TLR3: variants seen among roughly 807,000 people sequenced by gnomAD.
The protein encoded by TLR3 is toll-like receptor 3.
TLR3 carries 43 observed loss-of-function variants against 66.4 expected under a neutral mutation model. The observed-to-expected ratio is 0.65, with a 90% CI of 0.51 to 0.83. The LOEUF (loss-of-function observed/expected upper bound fraction) is 0.83, where lower values mean the gene tolerates loss of function less well. Among genes scored for constraint, TLR3 ranks in the 40% least tolerant of loss-of-function variants. TLR3 has a pLI of 0.00. For synonymous variants in TLR3, 397 were observed against 397.2 expected (o/e 1.00, Z 0.01); for missense variants, 982 against 1,044.6 (o/e 0.94, Z 0.83).
intron 1 of TLR3, among the ~76,000 whole-genome samples, chr4:186,075,489 C>G (rs766591317): frequency 2.6e-5 from 4 of 151,800 alleles, no homozygotes; most frequent in Non-Finnish European, 5.9e-5. Context: ...AAAAATTAGC[C>G]GGGTGTGGTA....
In TLR3 at chr4:186,086,813, C is replaced by T. The variant is rs1240050924; in HGVS notation, c.*1940C>T. On this transcript the variant is annotated 3_prime_UTR_variant, in exon 5 of 5. Coordinates refer to ENST00000296795, the MANE Select transcript of TLR3 (RefSeq NM_003265.3). ...TGATATGTTACTGGTGGAGAGTGTC[C>T]AGGTTCTTGGTGCTTTGAACAAGGA... 1 of 151,534 alleles carries T rather than the reference C, an allele frequency of 6.6e-6. No homozygotes were observed. Among genetic ancestry groups the T allele is most frequent in the East Asian group, 1.9e-4 (1 of 5,186 alleles). 9.4% of individuals were successfully genotyped at this position (151,534 alleles called of 1,614,324 possible). A position where few individuals can be genotyped will look rare whatever the true frequency, so the allele number is the denominator to read the frequency against.
chr4:186,084,591 G>A lies in TLR3; in HGVS notation c.2487-54G>A, dbSNP rs934936631. On this transcript the variant is annotated intron_variant, in intron 4 of 4. Coordinates refer to ENST00000296795, the MANE Select transcript of TLR3 (RefSeq NM_003265.3). ...CTACAGAGTATTTTTAAATAGTATT[G>A]CTTCTGGCTGTTAAAAACCGTATAT... 5 of 1,188,170 alleles carry A rather than the reference G, an allele frequency of 4.2e-6. No individual in the cohort carries two copies. The African/African-American group carries it at 4.6e-5, about 11-fold the overall frequency. 73.6% of individuals were successfully genotyped at this position (1,188,170 alleles called of 1,614,324 possible).
chr4:186,073,150 C>T (rs2099301795), intron 1 of TLR3, among the ~76,000 whole-genome samples: 1 of 152,042 alleles, frequency 6.6e-6, no homozygotes, highest in Admixed American at 6.6e-5. Context: ...AGAAATAGAC[C>T]CTCGCTTAAA....
chr4:186,076,014 T>G (rs2099302384), intron 1 of TLR3, among the ~76,000 whole-genome samples: 1 of 151,492 alleles, frequency 6.6e-6, no homozygotes. Flanking sequence ...ATTAGCCAGG[T>G]GTGGTGGCGG....
intron 1 of TLR3, among the ~76,000 whole-genome samples, chr4:186,071,928 G>C (rs1383913674): frequency 6.6e-6 from 1 of 152,144 alleles, no homozygotes; most frequent in Admixed American, 6.5e-5. Context: ...GGGTGTATTT[G>C]ATTTTTTAAA....
In TLR3 at chr4:186,085,466, T is replaced by C. The variant is rs1047767627; in HGVS notation, c.*593T>C. 6.5e-6 allele frequency: 1 copy of C among 152,742 alleles called. No homozygotes were observed. The highest frequency in any genetic ancestry group is 1.5e-5 in the Non-Finnish European group (1 of 68,462). The allele number at this position is 152,742 out of a possible 1,614,324, so 9.5% of individuals were successfully genotyped here. ...AATTCATTTTTATTAGTTAATGAGA[T>C]GATTATTTGAATGAATATTGACTTG... On this transcript the variant is annotated 3_prime_UTR_variant, in exon 5 of 5. Coordinates refer to ENST00000296795, the MANE Select transcript of TLR3 (RefSeq NM_003265.3).
In TLR3 at chr4:186,079,041, A is replaced by T. The variant is rs1209888335; in HGVS notation, c.633+10A>T. The T allele has an allele frequency of 6.2e-7, 1 of 1,609,002 alleles. No individual in the cohort carries two copies. Among genetic ancestry groups the T allele is most frequent in the Non-Finnish European group, 8.5e-7 (1 of 1,176,516 alleles). On this transcript the variant is annotated intron_variant, in intron 3 of 4. Transcript: ENST00000296795. ...GAATCAAATTAAAGAGGTAAGAAGT[A>T]AGGTAAAATTATTTTGCATTCTGCC...
At chr4:186,077,987 A>C (rs1158652506) in intron 2 of TLR3, among the ~76,000 whole-genome samples, 1 of 152,204 alleles carries the variant, frequency 6.6e-6, no homozygotes, top group Admixed American at 6.5e-5. Context: ...ACAAATGTAA[A>C]TATGCTGTGA....
chr4:186,071,188 A>G (rs537035621), intron 1 of TLR3, among the ~76,000 whole-genome samples: 4 of 152,254 alleles, frequency 2.6e-5, no homozygotes, highest in South Asian at 2.1e-4. Context: ...AGTCTCTCCA[A>G]GTTTGTTCCT....
chr4:186,071,630 G>A (rs529105997), intron 1 of TLR3, among the ~76,000 whole-genome samples: 2 of 152,334 alleles, frequency 1.3e-5, no homozygotes, highest in Admixed American at 6.5e-5. Flanking sequence ...AATGATTAGT[G>A]CCAGAGTTGT....
At chr4:186,071,734 C>T (rs544211464) in intron 1 of TLR3, among the ~76,000 whole-genome samples, 5 of 152,182 alleles carry the variant, frequency 3.3e-5, no homozygotes, top group African/African-American at 7.2e-5. Context: ...TTAGTAAAAT[C>T]GCTATTTTTA....
rs145303119 is a variant in TLR3 at position 186,082,981 on chromosome 4, A to G, written c.1295A>G (p.His432Arg). 403 of 1,614,216 alleles carry G rather than the reference A, an allele frequency of 2.5e-4. 3 individuals carry two copies. The East Asian group carries it at 7.6e-3, about 30-fold the overall frequency. The change falls in exon 4 of 5, where the codon CAC becomes CGC. Residue 432 changes from histidine to arginine, a missense_variant. Around this residue, in one of 3 missense-constraint regions of TLR3, gnomAD observed 666 missense variants for 709.0 expected, o/e 0.94. Transcript: ENST00000296795. ...AGTGATGCTTTCTCTTGGTTGGGCC[A>G]CCTAGAAGTACTTGACCTGGGCCTT... ...IESDAFSWLG[H>R]LEVLDLGLNE...
chr4:186,078,643 G>T (rs575382018), intron 2 of TLR3, among the ~76,000 whole-genome samples, 197 bp from the exon 3 acceptor site: 2 of 152,122 alleles, frequency 1.3e-5, no homozygotes, highest in Non-Finnish European at 2.9e-5. Context: ...GGTTGCAAGG[G>T]TGACCATCAC....
intron 1 of TLR3, among the ~76,000 whole-genome samples, chr4:186,073,637 G>A (rs1277454069): frequency 6.6e-6 from 1 of 152,138 alleles, no homozygotes; most frequent in Non-Finnish European, 1.5e-5. Context: ...TCACATAGAA[G>A]CTAACACCAT....
rs970703122 is a variant in TLR3 at position 186,085,788 on chromosome 4, A to G, written c.*915A>G. ...ATTCAAAGGAATGTATTATTTTACC[A>G]TAAAATAATGTGCTACGCATAAGGT... On this transcript the variant is annotated 3_prime_UTR_variant, in exon 5 of 5. Transcript: ENST00000296795. The G allele has an allele frequency of 6.6e-6, 1 of 152,252 alleles. No homozygotes were observed. The highest frequency in any genetic ancestry group is 1.5e-5 in the Non-Finnish European group (1 of 68,050). 9.4% of individuals were successfully genotyped at this position (152,252 alleles called of 1,614,324 possible).
At chr4:186,082,180 G>C (rs947746554) in intron 3 of TLR3, 140 bp from the exon 4 acceptor site, 1 of 756,968 alleles carries the variant, frequency 1.3e-6, no homozygotes, top group Non-Finnish European at 2.0e-6. Context: ...AGCTGAGATT[G>C]CACTGCTGTA....
Position 186,082,454 on chromosome 4 carries a change from T to TAACA in TLR3, c.769_772dup (p.Ser258LysfsTer35). ...CAAGCATTCGGAATCTGTCTCTGAGTAACAGCCAGCTGTCCACCACCAGCA... is the reference window on the plus strand; with the variant it reads ...CAAGCATTCGGAATCTGTCTCTGAGTAACAAACAGCCAGCTGTCCACCACCAGCA... On this transcript the variant is annotated frameshift_variant, in exon 4 of 5. Transcript: ENST00000296795. LOFTEE classifies it high-confidence loss of function. 1 of 1,614,144 alleles carries TAACA rather than the reference T, an allele frequency of 6.2e-7. No homozygotes were observed. Among genetic ancestry groups the TAACA allele is most frequent in the African/African-American group, 1.3e-5 (1 of 75,028 alleles).
chr4:186,077,003 C>G lies in TLR3; in HGVS notation c.384C>G (p.Leu128=). The G allele has an allele frequency of 7.4e-6, 12 of 1,614,110 alleles. No individual in the cohort carries two copies. The highest frequency in any genetic ancestry group is 1.0e-5 in the Non-Finnish European group (12 of 1,180,040). The part of the protein sequence containing the change: ...TFAFCTNLTE[L]HLMSNSIQKI... The stretch of plus-strand genomic sequence containing the variant: ...CCTTCTGCACGAATTTGACTGAACT[C>G]CATCTCATGTCCAACTCAATCCAGA... The change falls in exon 2 of 5, where the codon CTC becomes CTG. Residue 128 remains leucine (L), a synonymous_variant. Transcript: ENST00000296795.
At position 186,083,637 on chromosome 4, in the gene TLR3, T is replaced by A. The variant is rs748576677; in HGVS notation, c.1951T>A (p.Cys651Ser). ...DMRFNPFDCTCESIAWFVNWI... is the reference protein window; with the variant it reads ...DMRFNPFDCTSESIAWFVNWI... ...GCGCTTTAATCCCTTTGATTGCACG[T>A]GTGAAAGTATTGCCTGGTTTGTTAA... The change falls in exon 4 of 5, where the codon TGT becomes AGT. Residue 651 changes from cysteine to serine, a missense_variant. Coordinates refer to ENST00000296795, the MANE Select transcript of TLR3 (RefSeq NM_003265.3). The surrounding 1 kb of genome is among the most constrained non-coding windows in gnomAD (Gnocchi z 4.0). 3 of 1,600,264 alleles carry A rather than the reference T, an allele frequency of 1.9e-6. No homozygotes were observed. The highest frequency in any genetic ancestry group is 1.7e-6 in the Non-Finnish European group (2 of 1,173,604).
Sources: gnomAD v4.1 joint callset for allele counts (sites outside exome capture counted in the v4.1 genomes callset) on GRCh38, gnomAD v4.1.1 for gene constraint, gnomAD v4.1.1 regional missense constraint, Gnocchi (gnomAD v3.1) non-coding constraint, MANE v1.5 for transcripts, NCBI Gene and HGNC (gene_info 2026-07-23, HGNC 2026-07-21) for gene names.